The following GPC3 variants were observed in gnomAD, a reference collection of about 807,000 sequenced individuals.
The protein encoded by GPC3 is glypican-3.
GPC3 carries 3 observed loss-of-function variants against 34.4 expected under a neutral mutation model. That is an observed-to-expected ratio of 0.09 (90% CI 0.04 to 0.23). The LOEUF (loss-of-function observed/expected upper bound fraction) is 0.23. GPC3 is among the 10% of genes least tolerant of loss of function. The pLI, the probability that GPC3 is intolerant of heterozygous loss-of-function variation, is 1.00. For synonymous variants in GPC3, 177 were observed against 174.0 expected (o/e 1.02, Z -0.13); for missense variants, 351 against 445.6 (o/e 0.79, Z 1.91).
intron 6 of GPC3, among the ~76,000 whole-genome samples, chrX:133,659,775 G>A (rs1170763742): frequency 9.0e-6 from 1 of 111,596 alleles, no homozygotes; most frequent in Non-Finnish European, 1.9e-5. Flanking sequence ...ACACAGTGAT[G>A]GAAACTGAGA....
intron 7 of GPC3, among the ~76,000 whole-genome samples, chrX:133,583,162 T>C (rs1450907925): frequency 9.0e-6 from 1 of 111,156 alleles, no homozygotes; most frequent in African/African-American, 3.3e-5. Flanking sequence ...TCCTCTTTCT[T>C]TCCCCCAGCC....
At chrX:133,703,466 T>G (rs1251903941) in intron 3 of GPC3, among the ~76,000 whole-genome samples, 4 of 108,131 alleles carry the variant, frequency 3.7e-5, no homozygotes, top group African/African-American at 1.4e-4. Context: ...GGAAGTTTTT[T>G]TTTTTTTTTT....
intron 7 of GPC3, among the ~76,000 whole-genome samples, chrX:133,555,439 T>A (rs2069479009): frequency 8.9e-6 from 1 of 112,534 alleles, no homozygotes; most frequent in African/African-American, 3.2e-5. Context: ...TCGCTGAGGA[T>A]TCTCAAATCT....
At chrX:133,768,693 C>G (rs2071878594) in intron 2 of GPC3, among the ~76,000 whole-genome samples, 1 of 111,929 alleles carries the variant, frequency 8.9e-6, no homozygotes, top group Non-Finnish European at 1.9e-5. Flanking sequence ...AATCCCAACA[C>G]TTTTGGAGGC....
At chrX:133,590,447 T>C (rs1026071199) in intron 7 of GPC3, among the ~76,000 whole-genome samples, 1 of 110,988 alleles carries the variant, frequency 9.0e-6, no homozygotes, top group African/African-American at 3.3e-5. Context: ...ACAATTAAAT[T>C]CAACAATCAG....
At chrX:133,886,681 T>C (rs999673223) in intron 2 of GPC3, among the ~76,000 whole-genome samples, 5 of 112,227 alleles carry the variant, frequency 4.5e-5, no homozygotes, top group African/African-American at 1.6e-4. Flanking sequence ...CATATATAAG[T>C]GAGATCATGT....
intron 5 of GPC3, chrX:133,671,133 C>G: frequency 1.0e-6 from 1 of 985,665 alleles, no homozygotes; most frequent in East Asian, 3.0e-5. Flanking sequence ...ATGTACAAGA[C>G]CACACCAGAT....
chrX:133,973,157 GACAGAGTATGGGAATTTAAGTCAA>G (rs1366958600), intron 1 of GPC3, among the ~76,000 whole-genome samples: 1 of 111,586 alleles, frequency 9.0e-6, no homozygotes, highest in Non-Finnish European at 1.9e-5. Context: ...CACAGAAGTT[GACAGAGTATGGGAATTTAAGTCAA>G]ATACTTTATA....
chrX:133,693,819 C>T (rs2071088951), intron 4 of GPC3, among the ~76,000 whole-genome samples: 1 of 111,743 alleles, frequency 8.9e-6, no homozygotes, highest in Admixed American at 9.5e-5. Context: ...GTGTGGTCCC[C>T]AAGGTGGCAG....
chrX:133,603,906 T>G (rs987787358), intron 6 of GPC3, among the ~76,000 whole-genome samples: 1 of 111,821 alleles, frequency 8.9e-6, no homozygotes, highest in African/African-American at 3.3e-5. Flanking sequence ...ATATTTATTG[T>G]TCGGAGAGGG....
At chrX:133,983,399 A>G (rs1290028495) in intron 1 of GPC3, among the ~76,000 whole-genome samples, 1 of 112,318 alleles carries the variant, frequency 8.9e-6, no homozygotes, top group African/African-American at 3.2e-5. Flanking sequence ...GCCCAGGCCA[A>G]ATCTCATACA....
chrX:133,827,699 C>T (rs2075754670), intron 2 of GPC3, among the ~76,000 whole-genome samples: 2 of 110,453 alleles, frequency 1.8e-5, no homozygotes, highest in Non-Finnish European at 3.8e-5. Context: ...AGGAGAATTG[C>T]TTGAACCTGG....
At chrX:133,823,638 A>G (rs2075731609) in intron 2 of GPC3, among the ~76,000 whole-genome samples, 1 of 111,526 alleles carries the variant, frequency 9.0e-6, no homozygotes, top group African/African-American at 3.3e-5. Context: ...GGGGATGGAA[A>G]GGGGACTTAC....
chrX:133,680,373 A>G (rs2070928896), intron 5 of GPC3, among the ~76,000 whole-genome samples: 1 of 111,800 alleles, frequency 8.9e-6, no homozygotes, highest in African/African-American at 3.3e-5. Context: ...TTAGAAGCAA[A>G]GAGAACAATG....
At chrX:133,882,979 G>A (rs2076048445) in intron 2 of GPC3, among the ~76,000 whole-genome samples, 1 of 110,475 alleles carries the variant, frequency 9.1e-6, no homozygotes, top group South Asian at 3.8e-4. Flanking sequence ...TGCAGCCCCG[G>A]CAAAATACTT....
intron 2 of GPC3, among the ~76,000 whole-genome samples, chrX:133,804,706 T>G (rs1662140623): frequency 8.9e-6 from 1 of 111,867 alleles, no homozygotes; most frequent in African/African-American, 3.2e-5. Context: ...CCTCTTCTTT[T>G]AAAAATAATT....
chrX:133,861,340 A>G (rs2267514), intron 2 of GPC3, among the ~76,000 whole-genome samples: 30,998 of 109,281 alleles, frequency 0.28, 3,802 homozygotes, highest in African/African-American at 0.44. Flanking sequence ...CTGACTCAGG[A>G]GTATCTGGAA....
At chrX:133,745,516 T>C (rs1333342705) in intron 3 of GPC3, among the ~76,000 whole-genome samples, 1 of 112,847 alleles carries the variant, frequency 8.9e-6, no homozygotes, top group Non-Finnish European at 1.9e-5. Flanking sequence ...AGGCCCACAG[T>C]AGCAGAATTT....
At chrX:133,828,959 TACA>T (rs1467411341) in intron 2 of GPC3, among the ~76,000 whole-genome samples, 6 of 111,879 alleles carry the variant, frequency 5.4e-5, no homozygotes, top group African/African-American at 1.3e-4. Flanking sequence ...CATAAATATA[TACA>T]ACATTTGTCA....
Sources: gnomAD v4.1 joint callset for allele counts (sites outside exome capture counted in the v4.1 genomes callset) on GRCh38, gnomAD v4.1.1 for gene constraint, MANE v1.5 for transcripts, NCBI Gene and HGNC (gene_info 2026-07-23, HGNC 2026-07-21) for gene names.